PDZRN3: variants seen among roughly 807,000 people sequenced by gnomAD.
The protein encoded by PDZRN3 is E3 ubiquitin-protein ligase PDZRN3.
Under a neutral mutation model 85.7 loss-of-function variants are expected in PDZRN3, and 38 were observed. The ratio of observed to expected loss-of-function variants is 0.44; its 90% CI spans 0.34 to 0.58. The LOEUF is 0.58. Ranked by LOEUF, PDZRN3 falls within the 20% of genes least tolerant of loss-of-function variation. The pLI is 0.01. For missense variants in PDZRN3, 1,629 were observed against 1,506.4 expected (o/e 1.08, Z -1.35); for synonymous variants, 759 against 638.0 (o/e 1.19, Z -2.86).
chr3:73,455,024 T>C (rs1286766445), intron 3 of PDZRN3, among the ~76,000 whole-genome samples: 1 of 152,172 alleles, frequency 6.6e-6, no homozygotes, highest in Non-Finnish European at 1.5e-5. Context: ...TTCAGACTAT[T>C]TGTTTATGAG....
At chr3:73,517,026 C>T (rs147085104) in intron 3 of PDZRN3, among the ~76,000 whole-genome samples, 58 of 152,254 alleles carry the variant, frequency 3.8e-4, no homozygotes, top group African/African-American at 1.3e-3. Context: ...AATTCCATCA[C>T]GAAAGGGAGA....
At chr3:73,441,443 A>G (rs918490806) in intron 3 of PDZRN3, among the ~76,000 whole-genome samples, 10 of 150,964 alleles carry the variant, frequency 6.6e-5, no homozygotes, top group African/African-American at 2.5e-4. Context: ...AGTAAAATAC[A>G]TTCTTAATTG....
At chr3:73,599,390 G>A (rs1702478042) in intron 3 of PDZRN3, among the ~76,000 whole-genome samples, 1 of 152,176 alleles carries the variant, frequency 6.6e-6, no homozygotes, top group Non-Finnish European at 1.5e-5. Context: ...CAAATTCCTA[G>A]AGACAGAAAG....
intron 1 of PDZRN3, among the ~76,000 whole-genome samples, chr3:73,620,819 G>A (rs949406562): frequency 5.9e-5 from 9 of 152,082 alleles, no homozygotes; most frequent in South Asian, 2.1e-4. Flanking sequence ...CTCGTGATCC[G>A]CCTGCCTCGG....
chr3:73,499,882 G>A (rs1703943505), intron 3 of PDZRN3, among the ~76,000 whole-genome samples: 1 of 152,188 alleles, frequency 6.6e-6, no homozygotes, highest in African/African-American at 2.4e-5. Flanking sequence ...TTATTGTGAT[G>A]ATGAAATGAG....
At chr3:73,529,576 T>C (rs1370697553) in intron 3 of PDZRN3, among the ~76,000 whole-genome samples, 1 of 152,194 alleles carries the variant, frequency 6.6e-6, no homozygotes, top group African/African-American at 2.4e-5. Context: ...GTACTGGCTT[T>C]CTATTATCCG....
intron 3 of PDZRN3, among the ~76,000 whole-genome samples, chr3:73,420,830 A>G (rs1449282758): frequency 6.6e-6 from 1 of 152,088 alleles, no homozygotes; most frequent in Non-Finnish European, 1.5e-5. Context: ...ATCTTCCCAA[A>G]TCCATGAATT....
At chr3:73,509,373 G>A (rs1361575526) in intron 3 of PDZRN3, among the ~76,000 whole-genome samples, 1 of 152,224 alleles carries the variant, frequency 6.6e-6, no homozygotes, top group Non-Finnish European at 1.5e-5. Flanking sequence ...CAGCCCTTTA[G>A]GTGCAGAAAT....
chr3:73,615,281 C>A (rs1307695812), intron 1 of PDZRN3, among the ~76,000 whole-genome samples: 3 of 152,182 alleles, frequency 2.0e-5, no homozygotes, highest in African/African-American at 7.2e-5. Flanking sequence ...TTTCCACGAG[C>A]TTGATTTCAA....
At chr3:73,455,563 A>G (rs1157262659) in intron 3 of PDZRN3, among the ~76,000 whole-genome samples, 1 of 152,228 alleles carries the variant, frequency 6.6e-6, no homozygotes. Flanking sequence ...GCAGCAAGGC[A>G]TACATGATTT....
intron 2 of PDZRN3, among the ~76,000 whole-genome samples, chr3:73,607,797 T>C (rs1702625016): frequency 2.0e-5 from 3 of 152,242 alleles, no homozygotes; most frequent in South Asian, 2.1e-4. Flanking sequence ...GGCCTCAGTC[T>C]TTCTGGCCTC....
rs571308743 is a variant in PDZRN3, at chr3:73,435,560, C to G, written c.919-31165G>C. 1.1e-4 allele frequency among the ~76,000 whole-genome samples: 17 copies of G among 152,294 alleles called. No individual in the cohort carries two copies. The South Asian group carries it at 3.3e-3, about 30-fold the overall frequency. Reference sequence around the variant, plus strand: ...AAACAAAAGCAGCTCTAATAAAAAACAGAGGTCATATTTCTTCACTCTCCT... The same window carrying G: ...AAACAAAAGCAGCTCTAATAAAAAAGAGAGGTCATATTTCTTCACTCTCCT... On this transcript the variant is annotated intron_variant, in intron 3 of 9. Coordinates refer to ENST00000263666, the MANE Select transcript of PDZRN3 (RefSeq NM_015009.3).
chr3:73,536,190 A>G (rs1304308584), intron 3 of PDZRN3, among the ~76,000 whole-genome samples: 2 of 152,242 alleles, frequency 1.3e-5, no homozygotes, highest in African/African-American at 2.4e-5. Flanking sequence ...GCTATCTTTA[A>G]TGACTCCAAG....
chr3:73,470,598 C>T (rs988527888), intron 3 of PDZRN3, among the ~76,000 whole-genome samples: 2 of 152,202 alleles, frequency 1.3e-5, no homozygotes, highest in African/African-American at 4.8e-5. Flanking sequence ...CCGCCATGTG[C>T]TGTGGATGCT....
At chr3:73,426,204 T>C (rs1174489014) in intron 3 of PDZRN3, among the ~76,000 whole-genome samples, 1 of 151,748 alleles carries the variant, frequency 6.6e-6, no homozygotes, top group Non-Finnish European at 1.5e-5. Context: ...GTATATAATG[T>C]ATACATAATA....
At chr3:73,417,343 C>A (rs911154113) in intron 3 of PDZRN3, among the ~76,000 whole-genome samples, 1 of 152,162 alleles carries the variant, frequency 6.6e-6, no homozygotes, top group African/African-American at 2.4e-5. Context: ...GCAGGGCAGC[C>A]CTTGCTGCTC....
At chr3:73,482,139 G>A (rs968126981) in intron 3 of PDZRN3, among the ~76,000 whole-genome samples, 10 of 152,224 alleles carry the variant, frequency 6.6e-5, no homozygotes, top group East Asian at 1.9e-4. Context: ...TATGTCTGAC[G>A]CAGGTATGAG....
intron 3 of PDZRN3, chr3:73,569,357 AGG>A: frequency 8.3e-7 from 1 of 1,206,174 alleles, no homozygotes; most frequent in East Asian, 5.7e-5. Context: ...ATCTTTAGTG[AGG>A]AGGCTGGGAG....
intron 3 of PDZRN3, among the ~76,000 whole-genome samples, chr3:73,477,482 T>C (rs968566676): frequency 2.0e-5 from 3 of 152,186 alleles, no homozygotes; most frequent in Admixed American, 1.3e-4. Context: ...AACCATAGTC[T>C]TGGATTATTA....
Sources: allele counts gnomAD v4.1 joint callset (sites outside exome capture counted in the v4.1 genomes callset), GRCh38; gene constraint gnomAD v4.1.1; transcripts MANE v1.5; gene names NCBI Gene and HGNC (gene_info 2026-07-23, HGNC 2026-07-21).